The following PAPPA variants were observed in gnomAD, a reference collection of about 807,000 sequenced individuals.
PAPPA encodes pappalysin 1.
Under a neutral mutation model 164.0 loss-of-function variants are expected in PAPPA, and 60 were observed. The observed-to-expected ratio is 0.37, with a 90% CI of 0.30 to 0.45. PAPPA has a LOEUF of 0.45. PAPPA is among the 20% of genes least tolerant of loss of function. The probability of loss-of-function intolerance (pLI) is 1.00; values close to 1 mark genes in which losing one functional copy is unlikely to be tolerated. For missense variants in PAPPA, 1,782 were observed against 2,087.3 expected, an observed-to-expected ratio of 0.85 and a Z score of 2.85; for synonymous variants, 875 against 814.1, an observed-to-expected ratio of 1.07 and a Z score of -1.27.
In PAPPA at chr9:116,352,903, C is replaced by T. The variant is rs143399770; in HGVS notation, c.4162C>T (p.Arg1388Trp). 3.5e-5 allele frequency: 56 copies of T among 1,613,810 alleles called. 1 individual carries two copies. Among genetic ancestry groups the T allele is most frequent in the African/African-American group, 2.9e-4 (22 of 75,036 alleles). ...KPGYHVPGSS[R>W]KSKKRAFKTQ... ...TGGATACCATGTGCCTGGATCCTCT[C>T]GGAAGTCAAAGAAGTAAGTGGGGTT... Residue 1388 changes from arginine (R) to tryptophan (W), a missense_variant, in exon 16 of 22, where the codon CGG becomes TGG. Arg to Trp is a moderately radical substitution (Grantham distance 101). Coordinates refer to ENST00000328252, the MANE Select transcript of PAPPA (RefSeq NM_002581.5).
chr9:116,224,561 A>G (rs941858152), intron 5 of PAPPA, among the ~76,000 whole-genome samples: 4 of 152,156 alleles, frequency 2.6e-5, no homozygotes, highest in Admixed American at 2.6e-4. Flanking sequence ...TTCATAGGAG[A>G]CAAGTTAATT....
intron 11 of PAPPA, 152 bp from the exon 12 acceptor site, chr9:116,332,181 T>G: frequency 1.8e-6 from 1 of 553,746 alleles, no homozygotes; most frequent in Admixed American, 3.0e-5. Context: ...ACTGTTAGGT[T>G]TCATTGCCTC....
At chr9:116,277,682 A>T (rs1845216507) in intron 9 of PAPPA, among the ~76,000 whole-genome samples, 1 of 151,908 alleles carries the variant, frequency 6.6e-6, no homozygotes, top group South Asian at 2.1e-4. Context: ...TTTTATTTTA[A>T]TTTTTTATTT....
chr9:116,202,861 ACCATGTC>A (rs1844188083), intron 2 of PAPPA, among the ~76,000 whole-genome samples: 1 of 152,206 alleles, frequency 6.6e-6, no homozygotes, highest in Admixed American at 6.5e-5. Flanking sequence ...TGTTTAACAG[ACCATGTC>A]CCAAATCCAT....
Position 116,154,145 on chromosome 9 carries a change from GA to G in PAPPA, c.-26del. The stretch of plus-strand genomic sequence containing the variant: ...CAGCTCCGGGTGGCGGTGCAGGGGC[GA>G]AGGGGGGGCGGGGGGAACCGTCGGA... On this transcript the variant is annotated 5_prime_UTR_variant, in exon 1 of 22. Coordinates refer to ENST00000328252, the MANE Select transcript of PAPPA (RefSeq NM_002581.5). The surrounding 1 kb of genome is among the most constrained non-coding windows in gnomAD (Gnocchi z 5.2). The G allele has an allele frequency of 1.0e-6, 1 of 966,588 alleles. No individual in the cohort carries two copies. Among genetic ancestry groups the G allele is most frequent in the Non-Finnish European group, 1.4e-6 (1 of 712,740 alleles). 59.9% of individuals were successfully genotyped at this position (966,588 alleles called of 1,614,324 possible).
intron 6 of PAPPA, among the ~76,000 whole-genome samples, chr9:116,233,189 C>G (rs1241184021): frequency 6.6e-6 from 1 of 152,230 alleles, no homozygotes; most frequent in Non-Finnish European, 1.5e-5. Context: ...CTGTATTAAG[C>G]AAAAGCTACA....
intron 8 of PAPPA, among the ~76,000 whole-genome samples, chr9:116,269,816 C>G (rs1845116549): frequency 6.6e-6 from 1 of 152,154 alleles, no homozygotes; most frequent in Non-Finnish European, 1.5e-5. Flanking sequence ...CTTAGAAGCA[C>G]AAGGTCATCG....
chr9:116,272,781 G>A (rs1845152871), intron 9 of PAPPA, among the ~76,000 whole-genome samples: 2 of 152,156 alleles, frequency 1.3e-5, no homozygotes, highest in Admixed American at 1.3e-4. Flanking sequence ...TAGTGATGTG[G>A]TGGAAAGAAC....
rs1376987956 is a variant in PAPPA, at chr9:116,400,823, A to T, written c.*4207A>T. ...AGAAATTATGTCCCTGTTGTACAGA[A>T]GTTAGAATTTTTGACTCCAGGCAGC... On this transcript the variant is annotated 3_prime_UTR_variant, in exon 22 of 22. Coordinates refer to ENST00000328252, the MANE Select transcript of PAPPA (RefSeq NM_002581.5). The T allele has an allele frequency of 6.6e-6, 1 of 152,624 alleles. No individual in the cohort carries two copies. Among genetic ancestry groups the T allele is most frequent in the African/African-American group, 2.4e-5 (1 of 41,456 alleles). The allele number at this position is 152,624 out of a possible 1,614,324, so 9.5% of individuals were successfully genotyped here.
rs769169336 is a variant in PAPPA, at chr9:116,250,047, GTGT to G, written c.2732+14411_2732+14413del. On this transcript the variant is annotated intron_variant, in intron 7 of 21. Transcript: ENST00000328252. ...TGTGTGTGTGTGTGTGTGTGTGTGT[GTGT>G]GTTTGGAGCAGGCAAACAAAGACCT... 5.5e-3 allele frequency among the ~76,000 whole-genome samples: 774 copies of G among 141,558 alleles called. 11 individuals carry two copies. The highest frequency in any genetic ancestry group is 0.04 in the South Asian group (184 of 4,586). 92.9% of individuals were successfully genotyped at this position (141,558 alleles called of 152,430 possible).
intron 10 of PAPPA, among the ~76,000 whole-genome samples, chr9:116,311,812 G>A (rs780808847): frequency 1.3e-5 from 2 of 152,172 alleles, no homozygotes; most frequent in Non-Finnish European, 2.9e-5. Flanking sequence ...CATTATCCCT[G>A]AGCAAATTGA....
intron 17 of PAPPA, among the ~76,000 whole-genome samples, chr9:116,354,554 G>A (rs1312558252): frequency 6.6e-6 from 1 of 152,070 alleles, no homozygotes; most frequent in African/African-American, 2.4e-5. Flanking sequence ...GGTCTTTATT[G>A]TTAGCCTCCA....
At chr9:116,332,573 T>A (rs185469156) in intron 12 of PAPPA, 105 bp downstream of exon 12, 2 of 1,017,760 alleles carry the variant, frequency 2.0e-6, no homozygotes, top group Admixed American at 2.3e-5. Flanking sequence ...CCTTCCTTTT[T>A]CCCCTTTCTT....
chr9:116,317,884 G>A (rs1254320112), intron 10 of PAPPA, among the ~76,000 whole-genome samples: 1 of 152,160 alleles, frequency 6.6e-6, no homozygotes, highest in Non-Finnish European at 1.5e-5. Context: ...TTTATATTCT[G>A]ATCTAGAATT....
chr9:116,370,558 T>G (rs1846559793), intron 19 of PAPPA, among the ~76,000 whole-genome samples: 4 of 152,222 alleles, frequency 2.6e-5, no homozygotes. Flanking sequence ...TCCCAATTTC[T>G]GTGATATAAA....
chr9:116,267,846 C>T (rs1450155538), intron 8 of PAPPA, among the ~76,000 whole-genome samples: 2 of 122,964 alleles, frequency 1.6e-5, no homozygotes, highest in Non-Finnish European at 3.1e-5. Flanking sequence ...CTGCAGTCTG[C>T]AGTCCGGCCT....
intron 7 of PAPPA, among the ~76,000 whole-genome samples, chr9:116,252,783 C>T (rs111429048): frequency 9.2e-5 from 14 of 152,290 alleles, no homozygotes; most frequent in East Asian, 7.7e-4. Flanking sequence ...ACCATTTTAG[C>T]GAAACGTTTC....
At chr9:116,394,014 T>C (rs1243888088) in intron 21 of PAPPA, among the ~76,000 whole-genome samples, 2 of 152,170 alleles carry the variant, frequency 1.3e-5, no homozygotes, top group African/African-American at 4.8e-5. Context: ...CAGACAGACA[T>C]GAAACCATCC....
Position 116,302,707 on chromosome 9 carries a change from A to G in PAPPA, c.2954-50A>G, listed in dbSNP as rs1044815626. ...CAGCTGCTGATGATTGCTGAGGCCA[A>G]AGAACAAATATTTATTTATTCTCTC... On this transcript the variant is annotated intron_variant, in intron 9 of 21. Coordinates refer to ENST00000328252, the MANE Select transcript of PAPPA (RefSeq NM_002581.5). 4.7e-6 allele frequency: 7 copies of G among 1,496,266 alleles called. 1 individual carries two copies. Among genetic ancestry groups the G allele is most frequent in the South Asian group, 2.5e-5 (2 of 81,172 alleles). 92.7% of individuals were successfully genotyped at this position (1,496,266 alleles called of 1,614,324 possible).
Sources: gnomAD v4.1 joint callset for allele counts (sites outside exome capture counted in the v4.1 genomes callset) on GRCh38, gnomAD v4.1.1 for gene constraint, Gnocchi (gnomAD v3.1) non-coding constraint, MANE v1.5 for transcripts, NCBI Gene and HGNC (gene_info 2026-07-23, HGNC 2026-07-21) for gene names.